The following CHD8 variants were observed in gnomAD, a reference collection of about 807,000 sequenced individuals.
CHD8 encodes the protein ATP-dependent chromatin remodeler CHD8.
CHD8 carries 31 observed loss-of-function variants against 279.2 expected under a neutral mutation model. That is an observed-to-expected ratio of 0.11 (90% CI 0.08 to 0.15). The LOEUF (loss-of-function observed/expected upper bound fraction) is 0.15. CHD8 is among the 10% of genes least tolerant of loss of function. The probability of loss-of-function intolerance (pLI) is 1.00; values close to 1 mark genes in which losing one functional copy is unlikely to be tolerated. For missense variants in CHD8, 2,146 were observed against 3,230.5 expected (o/e 0.66, Z 8.14); for synonymous variants, 1,081 against 1,139.6 (o/e 0.95, Z 1.04).
At chr14:21,454,127 C>T (rs899027581) in intron 1 of CHD8, among the ~76,000 whole-genome samples, 1 of 146,884 alleles carries the variant, frequency 6.8e-6, no homozygotes, top group Non-Finnish European at 1.5e-5. Flanking sequence ...CACTGCACTC[C>T]AGCCTGGGTG....
chr14:21,395,144 T>C (rs761041957), intron 29 of CHD8, 25 bp from the exon 30 acceptor site: 8 of 1,604,098 alleles, frequency 5.0e-6, no homozygotes, highest in African/African-American at 1.3e-5. Flanking sequence ...GTAGAATGAA[T>C]AGGAAGTATA....
Position 21,391,835 on chromosome 14 carries a change from C to T in CHD8, c.6883G>A (p.Glu2295Lys), listed in dbSNP as rs1238181192. 6 of 1,605,176 alleles carry T rather than the reference C, an allele frequency of 3.7e-6. No individual in the cohort carries two copies. The highest frequency in any genetic ancestry group is 5.1e-6 in the Non-Finnish European group (6 of 1,171,888). Reference sequence around the variant, plus strand: ...TAAAGACTTTCTCTACCACTCACCTCTACTAGCTTCTTTCTGTTCCCCTTC... The same window carrying T: ...TAAAGACTTTCTCTACCACTCACCTTTACTAGCTTCTTTCTGTTCCCCTTC... ...KKKGNRKKLV[E>K]LEVECMEEPN... is the part of the protein sequence containing the mutation. The change falls in exon 35 of 38, where the codon GAG becomes AAG. Residue 2295 changes from glutamate (E) to lysine (K), a missense_variant and splice_region_variant. This residue lies in a region of CHD8 where 336 missense variants were observed against 392.9 expected (regional missense o/e 0.86). Coordinates refer to ENST00000646647, the MANE Select transcript of CHD8 (RefSeq NM_001170629.2).
chr14:21,448,816 C>G (rs1168619984), intron 1 of CHD8, among the ~76,000 whole-genome samples: 1 of 151,064 alleles, frequency 6.6e-6, no homozygotes. Flanking sequence ...ACCCGCCTCG[C>G]CCTCCCAAAG....
At chr14:21,413,171 T>C (rs890396900) in intron 9 of CHD8, among the ~76,000 whole-genome samples, 175 bp from the exon 10 acceptor site, 11 of 152,234 alleles carry the variant, frequency 7.2e-5, no homozygotes, top group Non-Finnish European at 1.3e-4. Context: ...TACCAGGGTC[T>C]ATACCTGACT....
At chr14:21,397,218 G>A in intron 27 of CHD8, 1 of 424,706 alleles carries the variant, frequency 2.4e-6, no homozygotes, top group South Asian at 1.7e-5. Flanking sequence ...GCAAACTGAG[G>A]GTGTGATCGT....
At chr14:21,417,910 CAT>C (rs1888816298) in intron 5 of CHD8, among the ~76,000 whole-genome samples, 1 of 145,470 alleles carries the variant, frequency 6.9e-6, no homozygotes, top group Non-Finnish European at 1.5e-5. Flanking sequence ...CACACACACA[CAT>C]ATACACATTA....
intron 8 of CHD8, 177 bp downstream of exon 8, chr14:21,414,761 A>G (rs1018444135): frequency 4.6e-6 from 3 of 654,828 alleles, no homozygotes; most frequent in South Asian, 1.8e-5. Context: ...CAAGGAAATA[A>G]TAAGAGTCAT....
intron 10 of CHD8, among the ~76,000 whole-genome samples, chr14:21,410,345 T>A (rs1310883805): frequency 1.3e-5 from 2 of 152,218 alleles, no homozygotes; most frequent in Non-Finnish European, 2.9e-5. Flanking sequence ...ACTATTCTCC[T>A]GGAGCCAAAT....
At chr14:21,423,286 A>C (rs186120503) in intron 5 of CHD8, among the ~76,000 whole-genome samples, 4 of 152,296 alleles carry the variant, frequency 2.6e-5, no homozygotes, top group South Asian at 2.1e-4. Flanking sequence ...GTCCAATATC[A>C]AGGTGCCCAT....
chr14:21,414,478 C>A, intron 8 of CHD8, 60 bp from the exon 9 acceptor site: 1 of 942,450 alleles, frequency 1.1e-6, no homozygotes, highest in South Asian at 1.5e-5. Flanking sequence ...AGGCTACTGT[C>A]TGAAATTTTG....
rs747956910 is a variant in CHD8, at chr14:21,395,062, G to C, written c.5240C>G (p.Ala1747Gly). The part of the protein sequence containing the change: ...LFWPPGSALT[A>G]RLRRLVTAYQ... ...CGCTGTTACTAGACGCCGAAGCCTA[G>C]CTGTTAGGGCAGAGCCCGGAGGCCA... Residue 1747 changes from alanine (A) to glycine (G), a missense_variant, in exon 30 of 38, where the codon GCT (alanine) becomes GGT (glycine). Physicochemically the swap from Ala to Gly is moderately conservative, Grantham distance 60. Around this residue, in one of 26 missense-constraint regions of CHD8, gnomAD observed 11 missense variants for 35.6 expected, o/e 0.31. Transcript: ENST00000646647. 1.9e-6 allele frequency: 3 copies of C among 1,614,006 alleles called. No homozygotes were observed. The highest frequency in any genetic ancestry group is 8.5e-7 in the Non-Finnish European group (1 of 1,179,892).
chr14:21,429,261 C>T lies in CHD8; in HGVS notation c.918G>A (p.Val306=). Reference sequence around the variant, plus strand: ...CTATCTTGCCTGGTAGACTCCCTAGCACAACATGCCGATGTCCTTGGGGAC... The same window carrying T: ...CTATCTTGCCTGGTAGACTCCCTAGTACAACATGCCGATGTCCTTGGGGAC... ...SGGPQGHRHV[V]LGSLPGKIVL... The change falls in exon 3 of 38, where the codon GTG becomes GTA. Residue 306 remains valine, a synonymous_variant. Coordinates refer to ENST00000646647, the MANE Select transcript of CHD8 (RefSeq NM_001170629.2). 1 of 1,612,262 alleles carries T rather than the reference C, an allele frequency of 6.2e-7. No individual in the cohort carries two copies. Among genetic ancestry groups the T allele is most frequent in the Non-Finnish European group, 8.5e-7 (1 of 1,178,598 alleles).
Position 21,405,752 on chromosome 14 carries a change from T to C in CHD8, c.3020A>G (p.Lys1007Arg), listed in dbSNP as rs1352659411. 15 of 1,613,930 alleles carry C rather than the reference T, an allele frequency of 9.3e-6. No homozygotes were observed. Among genetic ancestry groups the C allele is most frequent in the Non-Finnish European group, 1.2e-5 (14 of 1,179,844 alleles). ...CTCTGTCTTGAGATCCCCAAAGTCCTTGAGAAACTCTGATTCTGAGGGAAA... is the reference window on the plus strand; with the variant it reads ...CTCTGTCTTGAGATCCCCAAAGTCCCTGAGAAACTCTGATTCTGAGGGAAA... ...SQFPSESEFLKDFGDLKTEEQ... is the reference protein window; with the variant it reads ...SQFPSESEFLRDFGDLKTEEQ... The change falls in exon 15 of 38, where the codon AAG (lysine) becomes AGG (arginine). Residue 1007 changes from lysine to arginine, a missense_variant. This residue lies in a region of CHD8 where 211 missense variants were observed against 464.7 expected (regional missense o/e 0.45). Transcript: ENST00000646647. The surrounding 1 kb of genome is among the most constrained non-coding windows in gnomAD (Gnocchi z 4.2).
At chr14:21,412,010 G>A (rs1254805994) in intron 10 of CHD8, among the ~76,000 whole-genome samples, 1 of 151,572 alleles carries the variant, frequency 6.6e-6, no homozygotes, top group Non-Finnish European at 1.5e-5. Context: ...GTTGCAATGA[G>A]CCAAGATCAC....
Position 21,437,289 on chromosome 14 carries a change from G to A in CHD8, c.-215-5431C>T, listed in dbSNP as rs1048106730. 6.2e-6 allele frequency: 7 copies of A among 1,133,314 alleles called. No homozygotes were observed. In the South Asian group the frequency reaches 7.3e-5, roughly 12 times the overall value. 70.2% of individuals were successfully genotyped at this position (1,133,314 alleles called of 1,614,324 possible). On this transcript the variant is annotated intron_variant, in intron 1 of 37. Coordinates refer to ENST00000646647, the MANE Select transcript of CHD8 (RefSeq NM_001170629.2). ...GCAACCTAACCTGATGCTCCTGCCC[G>A]CCCCGCGCCATCATTGGCTGAAGCG...
intron 1 of CHD8, among the ~76,000 whole-genome samples, chr14:21,433,729 T>C (rs934786453): frequency 5.3e-5 from 8 of 152,184 alleles, no homozygotes; most frequent in Non-Finnish European, 1.0e-4. Flanking sequence ...AATTGCATAC[T>C]TTTCATATCT....
At chr14:21,451,429 G>A (rs1437363558) in intron 1 of CHD8, among the ~76,000 whole-genome samples, 4 of 151,520 alleles carry the variant, frequency 2.6e-5, no homozygotes, top group Non-Finnish European at 5.9e-5. Flanking sequence ...AAATTAGCCG[G>A]GCATGGTGGC....
At chr14:21,424,405 A>G (rs529899157) in intron 5 of CHD8, among the ~76,000 whole-genome samples, 138 of 152,264 alleles carry the variant, frequency 9.1e-4, no homozygotes, top group African/African-American at 3.3e-3. Context: ...TCATTATTTC[A>G]TAATATATTC....
intron 10 of CHD8, among the ~76,000 whole-genome samples, chr14:21,412,306 T>C (rs1041535582): frequency 5.9e-5 from 9 of 151,836 alleles, no homozygotes; most frequent in African/African-American, 2.2e-4. Context: ...CCACCACACC[T>C]GGCTAATTTT....
Sources: allele counts gnomAD v4.1 joint callset (sites outside exome capture counted in the v4.1 genomes callset), GRCh38; gene constraint gnomAD v4.1.1; regional missense constraint gnomAD v4.1.1; non-coding constraint Gnocchi (gnomAD v3.1); transcripts MANE v1.5; gene names NCBI Gene and HGNC (gene_info 2026-07-23, HGNC 2026-07-21).